The following PHKA1 variants were observed in gnomAD, a reference collection of about 807,000 sequenced individuals.
The protein encoded by PHKA1 is phosphorylase b kinase regulatory subunit alpha, skeletal muscle isoform.
In PHKA1, 60 loss-of-function variants were observed where a neutral mutation model predicts 110.2. The ratio of observed to expected loss-of-function variants is 0.54; its 90% CI spans 0.44 to 0.68. PHKA1 has a LOEUF of 0.68. Among genes scored for constraint, PHKA1 ranks in the 30% least tolerant of loss-of-function variants. The pLI, the probability that PHKA1 is intolerant of heterozygous loss-of-function variation, is 0.00. For synonymous variants in PHKA1, 316 were observed against 333.6 expected, an observed-to-expected ratio of 0.95 and a Z score of 0.58; for missense variants, 801 against 942.5, an observed-to-expected ratio of 0.85 and a Z score of 1.97.
chrX:72,655,421 G>C (rs1166009487), intron 10 of PHKA1, among the ~76,000 whole-genome samples: 1 of 111,183 alleles, frequency 9.0e-6, no homozygotes, highest in Non-Finnish European at 1.9e-5. Flanking sequence ...TCTTAAAAAT[G>C]ACAACAAAAA....
chrX:72,649,394 T>C (rs2053400729), intron 13 of PHKA1, among the ~76,000 whole-genome samples: 1 of 111,270 alleles, frequency 9.0e-6, no homozygotes, highest in African/African-American at 3.3e-5. Flanking sequence ...GGTAGAACGA[T>C]TTGCATTTCT....
chrX:72,664,313 G>T (rs934688239), intron 8 of PHKA1, among the ~76,000 whole-genome samples: 9 of 111,011 alleles, frequency 8.1e-5, no homozygotes, highest in African/African-American at 2.9e-4. Context: ...GCTTTAAGTT[G>T]AAAGTAAAAA....
rs782802775 is a variant in PHKA1 at position 72,662,403 on chromosome X, G to A, written c.864+3748C>T. On this transcript the variant is annotated intron_variant, in intron 8 of 31. Transcript: ENST00000373542. ...TCAGCTGCTCGAAGCCTGGCCCCAG[G>A]AATGGCCATGACTCTGGTCCTGCAT... 2.6e-4 allele frequency among the ~76,000 whole-genome samples: 29 copies of A among 111,828 alleles called. 1 individual carries two copies. Among genetic ancestry groups the A allele is most frequent in the Non-Finnish European group, 5.1e-4 (27 of 53,112 alleles).
chrX:72,675,587 C>A (rs947486666), intron 6 of PHKA1, among the ~76,000 whole-genome samples: 1 of 110,706 alleles, frequency 9.0e-6, no homozygotes, highest in Non-Finnish European at 1.9e-5. Context: ...CTTGCTGTTT[C>A]CAGAGAAGAC....
intron 30 of PHKA1, among the ~76,000 whole-genome samples, chrX:72,583,731 T>C (rs782546483): frequency 2.7e-5 from 3 of 112,573 alleles, no homozygotes; most frequent in Non-Finnish European, 5.6e-5. Flanking sequence ...CTGTGGTTCA[T>C]GGTAATATTT....
At chrX:72,699,376 G>A (rs975591247) in intron 3 of PHKA1, among the ~76,000 whole-genome samples, 3 of 107,235 alleles carry the variant, frequency 2.8e-5, no homozygotes, top group African/African-American at 3.4e-5. Flanking sequence ...GTGTGGTGGC[G>A]TGCTTGCCTG....
chrX:72,582,064 A>T (rs139629656), intron 31 of PHKA1, among the ~76,000 whole-genome samples: 1 of 112,334 alleles, frequency 8.9e-6, no homozygotes, highest in Non-Finnish European at 1.9e-5. Context: ...GTTTCTTATT[A>T]AGTCCTTAAA....
At chrX:72,621,021 G>GGTT (rs1390074322) in intron 18 of PHKA1, 120 bp from the exon 19 acceptor site, 4 of 798,922 alleles carry the variant, frequency 5.0e-6, no homozygotes, top group Admixed American at 5.8e-5. Context: ...ACCAGAAGTA[G>GGTT]GTTGTTTTTA....
chrX:72,617,491 G>C (rs1556271004), intron 21 of PHKA1, among the ~76,000 whole-genome samples: 1 of 111,397 alleles, frequency 9.0e-6, no homozygotes, highest in East Asian at 2.8e-4. Context: ...CTGCACTCCA[G>C]CCTGGGCAAC....
At chrX:72,686,066 C>G (rs2053963550) in intron 4 of PHKA1, among the ~76,000 whole-genome samples, 1 of 112,042 alleles carries the variant, frequency 8.9e-6, no homozygotes, top group Non-Finnish European at 1.9e-5. Context: ...AAAAAGTCCT[C>G]TCACATTCTT....
chrX:72,654,065 G>GA (rs71830176), intron 10 of PHKA1, among the ~76,000 whole-genome samples: 2,640 of 99,634 alleles, frequency 0.026, 69 homozygotes, highest in African/African-American at 0.085. Flanking sequence ...AATTTATGAT[G>GA]AAAAAAAAAA....
intron 3 of PHKA1, among the ~76,000 whole-genome samples, chrX:72,701,376 C>T (rs2054202601): frequency 8.9e-6 from 1 of 112,039 alleles, no homozygotes; most frequent in African/African-American, 3.2e-5. Flanking sequence ...ATTCAAACAA[C>T]TCATAGATAT....
At chrX:72,591,416 TG>T (rs1298251363) in intron 29 of PHKA1, among the ~76,000 whole-genome samples, 5 of 106,594 alleles carry the variant, frequency 4.7e-5, no homozygotes, top group Non-Finnish European at 9.7e-5. Flanking sequence ...TGTCATGGGG[TG>T]GGGGGCGAGG....
chrX:72,661,965 C>T (rs1415794974), intron 8 of PHKA1, among the ~76,000 whole-genome samples: 1 of 111,031 alleles, frequency 9.0e-6, no homozygotes, highest in Non-Finnish European at 1.9e-5. Context: ...AGCGAGGCAC[C>T]CTGGCTCTGC....
intron 5 of PHKA1, among the ~76,000 whole-genome samples, chrX:72,682,469 T>A (rs2053912177): frequency 9.0e-6 from 1 of 110,896 alleles, no homozygotes; most frequent in African/African-American, 3.2e-5. Context: ...AATGGCGGCT[T>A]TGTGGAATAG....
chrX:72,636,680 T>TCCTGGC, intron 14 of PHKA1, among the ~76,000 whole-genome samples: 1 of 112,269 alleles, frequency 8.9e-6, no homozygotes, highest in South Asian at 3.7e-4. Flanking sequence ...AAATAGTTTA[T>TCCTGGC]TCACACACAC....
intron 17 of PHKA1, 22 bp downstream of exon 17, chrX:72,626,949 A>G (rs2053082595): frequency 8.9e-7 from 1 of 1,123,532 alleles, no homozygotes. Flanking sequence ...ATTTCACTAA[A>G]GAGTGTATAG....
At chrX:72,654,212 T>C (rs1429037921) in intron 10 of PHKA1, among the ~76,000 whole-genome samples, 2 of 112,149 alleles carry the variant, frequency 1.8e-5, no homozygotes, top group Admixed American at 1.9e-4. Flanking sequence ...TCAGCTGAAC[T>C]GGGCCATGTA....
intron 21 of PHKA1, among the ~76,000 whole-genome samples, chrX:72,615,752 G>GGAA (rs2052886218): frequency 2.7e-4 from 9 of 33,475 alleles, no homozygotes; most frequent in African/African-American, 8.8e-4. Context: ...GAAGGAGGGG[G>GGAA]GGAAGGAAGG....
Sources: allele counts gnomAD v4.1 joint callset (sites outside exome capture counted in the v4.1 genomes callset), GRCh38; gene constraint gnomAD v4.1.1; transcripts MANE v1.5; gene names NCBI Gene and HGNC (gene_info 2026-07-23, HGNC 2026-07-21).